DISP1: variants seen among roughly 807,000 people sequenced by gnomAD.
DISP1 encodes dispatched RND transporter family member 1.
In DISP1, 30 loss-of-function variants were observed where a neutral mutation model predicts 37.3. That is an observed-to-expected ratio of 0.80 (90% confidence interval 0.60 to 1.09). The LOEUF (loss-of-function observed/expected upper bound fraction) is 1.09, where lower values mean the gene tolerates loss of function less well. Among genes scored for constraint, DISP1 ranks in the 50% least tolerant of loss-of-function variants. The pLI, the probability that DISP1 is intolerant of heterozygous loss-of-function variation, is 0.00. For synonymous variants in DISP1, 634 were observed against 690.2 expected (o/e 0.92, Z 1.28); for missense variants, 1,598 against 1,879.5 (o/e 0.85, Z 2.77).
chr1:222,991,467 T>C, intron 5 of DISP1, 53 bp from the exon 6 acceptor site: 2 of 1,610,876 alleles, frequency 1.2e-6, no homozygotes, highest in Non-Finnish European at 1.7e-6. Flanking sequence ...TTATTGTAAC[T>C]GTACTTAGCC....
rs143538553 is a variant in DISP1 at position 222,968,848 on chromosome 1, G to T, written c.510-14232G>T. 4.0e-3 allele frequency among the ~76,000 whole-genome samples: 612 copies of T among 151,870 alleles called. 2 individuals are homozygous for T. The highest frequency in any genetic ancestry group is 0.013 in the African/African-American group (557 of 41,434). On this transcript the variant is annotated intron_variant, in intron 3 of 8. Transcript: ENST00000675850. ...CTTGGGAGTCTGAGGCAGGAGAATC[G>T]CTTGAGCTTGGGAGGCAGAGATTGC...
chr1:222,836,716 A>G (rs1050174179), intron 1 of DISP1, among the ~76,000 whole-genome samples: 3 of 151,272 alleles, frequency 2.0e-5, no homozygotes, highest in Middle Eastern at 3.2e-3. Flanking sequence ...GGTTAGAATC[A>G]TCCAGTTGAG....
rs566562627 is a variant in DISP1, at chr1:222,936,985, T to C, written c.-17-5822T>C. ...TATTTATAAATAATATTTTATAATA[T>C]ATATAATATTATATAATATAGAATA... is the stretch of plus-strand genomic sequence containing the variant. On this transcript the variant is annotated intron_variant, in intron 2 of 8. Coordinates refer to ENST00000675850, the MANE Select transcript of DISP1 (RefSeq NM_001377229.1). Among the ~76,000 whole-genome samples the C allele has an allele frequency of 9.6e-4, 80 of 83,218 alleles. No individual in the cohort carries two copies. In the South Asian group the frequency reaches 0.025, roughly 26 times the overall value. The allele number at this position is 83,218 out of a possible 152,430, so 54.6% of individuals were successfully genotyped here. A position where few individuals can be genotyped will look rare whatever the true frequency, so the allele number is the denominator to read the frequency against.
intron 3 of DISP1, 137 bp from the exon 4 acceptor site, chr1:222,982,943 T>C (rs1412063735): frequency 1.4e-6 from 1 of 715,974 alleles, no homozygotes; most frequent in Non-Finnish European, 2.3e-6. Flanking sequence ...ATTGCCTTTT[T>C]TTTTTTAACA....
intron 3 of DISP1, among the ~76,000 whole-genome samples, chr1:222,945,488 A>T (rs973796139): frequency 2.0e-5 from 3 of 151,606 alleles, no homozygotes; most frequent in Admixed American, 6.6e-5. Flanking sequence ...ACCTCCTCTT[A>T]AAAAATTACA....
rs954780300 is a variant in DISP1 at position 222,893,583 on chromosome 1, G to A, written c.-158-34847G>A. ...GGCAGGGCGGGCAGCCCCAGGCGCC[G>A]GCACTGACTCCATGGAAGGCTGCGG... On this transcript the variant is annotated intron_variant, in intron 1 of 8. Coordinates refer to ENST00000675850, the MANE Select transcript of DISP1 (RefSeq NM_001377229.1). This position sits in a 1 kb window ranked among gnomAD's most constrained non-coding sequence, Gnocchi z 4.3. Among the ~76,000 whole-genome samples the A allele has an allele frequency of 1.3e-5, 2 of 152,214 alleles. No individual in the cohort carries two copies. The highest frequency in any genetic ancestry group is 4.8e-5 in the African/African-American group (2 of 41,466).
rs369914546 is a variant in DISP1, at chr1:222,818,284, G to C, written c.-159+3206G>C. 2.0e-5 allele frequency among the ~76,000 whole-genome samples: 3 copies of C among 152,304 alleles called. No homozygotes were observed. The East Asian group carries it at 5.8e-4, about 29-fold the overall frequency. On this transcript the variant is annotated intron_variant, in intron 1 of 8. Coordinates refer to ENST00000675850, the MANE Select transcript of DISP1 (RefSeq NM_001377229.1). ...GCTCCTGGTGATAATACAGCAGAAA[G>C]ACTTTTAGTTGTTATTATAGTTTTT...
At chr1:222,964,585 G>A (rs551468068) in intron 3 of DISP1, among the ~76,000 whole-genome samples, 3 of 152,260 alleles carry the variant, frequency 2.0e-5, no homozygotes, top group African/African-American at 4.8e-5. Context: ...ACAAATAATC[G>A]TGAGGGTATA....
At chr1:222,834,536 G>A (rs915638805) in intron 1 of DISP1, among the ~76,000 whole-genome samples, 3 of 152,082 alleles carry the variant, frequency 2.0e-5, no homozygotes, top group Middle Eastern at 3.2e-3. Flanking sequence ...GCGTACACGA[G>A]GTCTTACTAT....
At chr1:222,857,979 C>T (rs911275138) in intron 1 of DISP1, among the ~76,000 whole-genome samples, 1 of 152,086 alleles carries the variant, frequency 6.6e-6, no homozygotes, top group Non-Finnish European at 1.5e-5. Flanking sequence ...CCAAGACAGA[C>T]CTAAGCAAAA....
intron 2 of DISP1, among the ~76,000 whole-genome samples, chr1:222,932,058 G>C (rs1160441004): frequency 6.6e-6 from 1 of 151,888 alleles, no homozygotes; most frequent in African/African-American, 2.4e-5. Context: ...TTTAAACTTA[G>C]AGTACCAGGT....
chr1:222,936,591 A>ATATATATATCTCTCATATATAT (rs1558339084), intron 2 of DISP1, among the ~76,000 whole-genome samples: 538 of 16,450 alleles, frequency 0.033, 61 homozygotes, highest in Non-Finnish European at 0.049. Context: ...TATATATGAG[A>ATATATATATCTCTCATATATAT]GATATATATC....
chr1:222,936,589 AGAGATATATATCTCTCATATATAT>A (rs1673752240), intron 2 of DISP1, among the ~76,000 whole-genome samples: 1 of 15,680 alleles, frequency 6.4e-5, no homozygotes, highest in East Asian at 2.3e-3. Context: ...CATATATATG[AGAGATATATATCTCTCATATATAT>A]GAGATATATA....
chr1:222,993,198 T>C (rs370748096), intron 7 of DISP1, among the ~76,000 whole-genome samples: 10 of 152,230 alleles, frequency 6.6e-5, no homozygotes, highest in African/African-American at 2.2e-4. Flanking sequence ...AGCCATTAAT[T>C]CTCTAAATGT....
At chr1:222,884,581 A>G (rs1370925392) in intron 1 of DISP1, among the ~76,000 whole-genome samples, 1 of 152,148 alleles carries the variant, frequency 6.6e-6, no homozygotes, top group African/African-American at 2.4e-5. Context: ...GAGGCTATGC[A>G]TTTTTGGCTA....
chr1:222,852,016 C>T (rs1055635195), intron 1 of DISP1, among the ~76,000 whole-genome samples: 2 of 152,046 alleles, frequency 1.3e-5, no homozygotes, highest in African/African-American at 4.8e-5. Context: ...GAAACCCCAT[C>T]TCTACTAAAA....
intron 3 of DISP1, among the ~76,000 whole-genome samples, chr1:222,982,522 A>T (rs1677908527): frequency 6.6e-6 from 1 of 152,246 alleles, no homozygotes; most frequent in South Asian, 2.1e-4. Flanking sequence ...TGGGAATAAT[A>T]AAACAGTATG....
At chr1:222,929,765 AT>A (rs1370660171) in intron 2 of DISP1, among the ~76,000 whole-genome samples, 1 of 151,986 alleles carries the variant, frequency 6.6e-6, no homozygotes, top group African/African-American at 2.4e-5. Flanking sequence ...TCTTTCATGT[AT>A]TTTTTAGTCT....
intron 1 of DISP1, among the ~76,000 whole-genome samples, chr1:222,860,109 T>G (rs1221231252): frequency 6.6e-6 from 1 of 152,248 alleles, no homozygotes; most frequent in East Asian, 1.9e-4. Context: ...CAGGCTGGAG[T>G]GCAATGGCAC....
Sources: allele counts gnomAD v4.1 joint callset (sites outside exome capture counted in the v4.1 genomes callset), GRCh38; gene constraint gnomAD v4.1.1; non-coding constraint Gnocchi (gnomAD v3.1); transcripts MANE v1.5; gene names NCBI Gene and HGNC (gene_info 2026-07-23, HGNC 2026-07-21).